Variants in OSBPL6 observed in about 807,000 individuals in gnomAD.
OSBPL6 encodes the protein oxysterol binding protein like 6, also known as oxysterol-binding protein-related protein 6.
OSBPL6 carries 49 observed loss-of-function variants against 125.8 expected under a neutral mutation model. The ratio of observed to expected loss-of-function variants is 0.39; its 90% CI spans 0.31 to 0.49. The LOEUF (loss-of-function observed/expected upper bound fraction) is 0.49. OSBPL6 is among the 20% of genes least tolerant of loss of function. The pLI is 0.88. For synonymous variants in OSBPL6, 394 were observed against 391.8 expected, an observed-to-expected ratio of 1.01 and a Z score of -0.07; for missense variants, 986 against 1,135.4, an observed-to-expected ratio of 0.87 and a Z score of 1.89.
chr2:178,207,168 C>A (rs1443291210), intron 1 of OSBPL6, among the ~76,000 whole-genome samples: 1 of 152,164 alleles, frequency 6.6e-6, no homozygotes. Context: ...ACTGGTTTCC[C>A]ATGGCTACTG....
At chr2:178,380,041 T>TAAACAAAAACAAA (rs1292551127) in intron 15 of OSBPL6, among the ~76,000 whole-genome samples, 1 of 152,168 alleles carries the variant, frequency 6.6e-6, no homozygotes, top group Non-Finnish European at 1.5e-5. Context: ...ACAAAAGAAT[T>TAAACAAAAACAAA]GGCATAAACA....
intron 1 of OSBPL6, among the ~76,000 whole-genome samples, chr2:178,258,777 T>G (rs767262027): frequency 1.3e-5 from 2 of 151,760 alleles, no homozygotes; most frequent in Non-Finnish European, 2.9e-5. Context: ...TTTTTTCCAC[T>G]GGAGACTACT....
chr2:178,203,165 T>C (rs1328689192), intron 1 of OSBPL6, among the ~76,000 whole-genome samples: 1 of 152,220 alleles, frequency 6.6e-6, no homozygotes, highest in African/African-American at 2.4e-5. Context: ...TCTATTGCTG[T>C]GTCTTTACAC....
At chr2:178,313,519 C>T (rs953512285) in intron 3 of OSBPL6, among the ~76,000 whole-genome samples, 3 of 151,852 alleles carry the variant, frequency 2.0e-5, no homozygotes, top group African/African-American at 7.3e-5. Flanking sequence ...GAAGAAAAAG[C>T]CAGCCAGCCC....
intron 12 of OSBPL6, among the ~76,000 whole-genome samples, chr2:178,360,052 T>C (rs1444955517): frequency 6.7e-6 from 1 of 150,166 alleles, no homozygotes; most frequent in Non-Finnish European, 1.5e-5. Flanking sequence ...GCCGCTGCAC[T>C]CCATCCTGGG....
chr2:178,331,626 G>T (rs376468917), intron 6 of OSBPL6, 21 bp downstream of exon 6: 3 of 1,612,766 alleles, frequency 1.9e-6, no homozygotes, highest in Non-Finnish European at 2.5e-6. Flanking sequence ...CACAGGACAT[G>T]TTTCAAAGGT....
intron 1 of OSBPL6, among the ~76,000 whole-genome samples, chr2:178,226,421 G>A (rs1184127550): frequency 6.6e-6 from 1 of 152,210 alleles, no homozygotes; most frequent in Non-Finnish European, 1.5e-5. Context: ...GGGCAGAGAA[G>A]GCTAGACAAT....
chr2:178,337,752 A>G (rs1190552576), intron 9 of OSBPL6, among the ~76,000 whole-genome samples: 1 of 152,110 alleles, frequency 6.6e-6, no homozygotes. Context: ...ATTATTCACA[A>G]AGTTCTGTTT....
Position 178,395,802 on chromosome 2 carries a change from C to G in OSBPL6, c.*243C>G. 2.5e-6 allele frequency: 1 copy of G among 400,410 alleles called. No homozygotes were observed. Among genetic ancestry groups the G allele is most frequent in the South Asian group, 2.0e-5 (1 of 50,734 alleles). 24.8% of individuals were successfully genotyped at this position (400,410 alleles called of 1,614,324 possible). A position where few individuals can be genotyped will look rare whatever the true frequency, so the allele number is the denominator to read the frequency against. On this transcript the variant is annotated 3_prime_UTR_variant, in exon 25 of 25. Coordinates refer to ENST00000190611, the MANE Select transcript of OSBPL6 (RefSeq NM_032523.4). Reference sequence around the variant, plus strand: ...AAAAAAAAAAAAAAAAAAAAAAAATCCACACCGTCCTTGGAAAGCAGAATA... The same window carrying G: ...AAAAAAAAAAAAAAAAAAAAAAAATGCACACCGTCCTTGGAAAGCAGAATA...
intron 24 of OSBPL6, 55 bp downstream of exon 24, chr2:178,394,490 C>A (rs1446229678): frequency 3.9e-6 from 6 of 1,539,744 alleles, no homozygotes; most frequent in South Asian, 1.2e-5. Flanking sequence ...TTGCCACAGG[C>A]CATGAGAAAC....
intron 8 of OSBPL6, among the ~76,000 whole-genome samples, chr2:178,334,503 A>G (rs1412881148): frequency 6.6e-6 from 1 of 151,986 alleles, no homozygotes; most frequent in African/African-American, 2.4e-5. Context: ...CTCAAACCTT[A>G]CGTTATTTAT....
At chr2:178,337,563 A>G (rs1689799599) in intron 9 of OSBPL6, among the ~76,000 whole-genome samples, 1 of 152,220 alleles carries the variant, frequency 6.6e-6, no homozygotes, top group Non-Finnish European at 1.5e-5. Flanking sequence ...GACATAGCGC[A>G]GTAAGTATTT....
chr2:178,323,987 A>G lies in OSBPL6; in HGVS notation c.103-190A>G, dbSNP rs536808442. Among the ~76,000 whole-genome samples the G allele has an allele frequency of 4.6e-5, 7 of 152,328 alleles. No individual in the cohort carries two copies. The South Asian group carries it at 8.3e-4, about 18-fold the overall frequency. On this transcript the variant is annotated intron_variant, in intron 3 of 24. Transcript: ENST00000190611. ...GCAGCAGCAGTTCAGCAGCAAATCT[A>G]GAAGAGGAGGGGAAAATCCTGTGCC... is the stretch of plus-strand genomic sequence containing the variant.
chr2:178,350,745 T>C (rs1691178279), intron 12 of OSBPL6, among the ~76,000 whole-genome samples: 1 of 152,222 alleles, frequency 6.6e-6, no homozygotes, highest in Admixed American at 6.5e-5. Context: ...AGCATAGATT[T>C]ATAGCCAGTA....
At chr2:178,337,532 A>G (rs964382118) in intron 9 of OSBPL6, among the ~76,000 whole-genome samples, 3 of 152,340 alleles carry the variant, frequency 2.0e-5, no homozygotes, top group Admixed American at 1.3e-4. Flanking sequence ...GGCCCAGGTG[A>G]AGGCTCTAGC....
At chr2:178,344,985 G>C (rs16866276) in intron 11 of OSBPL6, among the ~76,000 whole-genome samples, 9,588 of 151,358 alleles carry the variant, frequency 0.063, 389 homozygotes, top group South Asian at 0.15. Context: ...ATATCTAGAG[G>C]TTTTTTTTTC....
intron 2 of OSBPL6, among the ~76,000 whole-genome samples, chr2:178,302,449 CCTT>C (rs367897743): frequency 1.6e-4 from 25 of 152,172 alleles, no homozygotes; most frequent in African/African-American, 5.8e-4. Context: ...TAAAGAATAA[CCTT>C]CTCTCAGAGT....
chr2:178,279,966 G>A (rs1055724698), intron 1 of OSBPL6, among the ~76,000 whole-genome samples: 7 of 152,256 alleles, frequency 4.6e-5, no homozygotes, highest in South Asian at 2.1e-4. Context: ...TTGGGAGGCC[G>A]AGGCGAGTGG....
chr2:178,261,558 A>G lies in OSBPL6; in HGVS notation c.-350-23369A>G, dbSNP rs114058952. 4.5e-3 allele frequency among the ~76,000 whole-genome samples: 685 copies of G among 152,324 alleles called. 10 individuals are homozygous for G. Among genetic ancestry groups the G allele is most frequent in the African/African-American group, 0.016 (654 of 41,582 alleles). Reference sequence around the variant, plus strand: ...CTGCAAAAGGATCTTAAAATATTATACAGTCTGTTTTTCTGTCTACTCCTT... The same window carrying G: ...CTGCAAAAGGATCTTAAAATATTATGCAGTCTGTTTTTCTGTCTACTCCTT... On this transcript the variant is annotated intron_variant, in intron 1 of 24. Coordinates refer to ENST00000190611, the MANE Select transcript of OSBPL6 (RefSeq NM_032523.4).
Sources: allele counts gnomAD v4.1 joint callset (sites outside exome capture counted in the v4.1 genomes callset), GRCh38; gene constraint gnomAD v4.1.1; transcripts MANE v1.5; gene names NCBI Gene and HGNC (gene_info 2026-07-23, HGNC 2026-07-21).